Variants in APBA2 observed in about 807,000 individuals in gnomAD.
APBA2 encodes amyloid beta precursor protein binding family A member 2, also known as amyloid-beta A4 precursor protein-binding family A member 2.
In APBA2, 30 loss-of-function variants were observed where a neutral mutation model predicts 75.0. The ratio of observed to expected loss-of-function variants is 0.40; its 90% CI spans 0.30 to 0.54. APBA2 has a LOEUF of 0.54. Ranked by LOEUF, APBA2 falls within the 20% of genes least tolerant of loss-of-function variation. The probability of loss-of-function intolerance (pLI) is 0.49; values close to 1 mark genes in which losing one functional copy is unlikely to be tolerated. For missense variants in APBA2, 801 were observed against 1,016.1 expected (o/e 0.79, Z 2.88); for synonymous variants, 444 against 409.6 (o/e 1.08, Z -1.01).
intron 3 of APBA2, among the ~76,000 whole-genome samples, chr15:29,030,729 ATGTGTGTGTGTGTG>A (rs60048817): frequency 3.5e-5 from 4 of 113,248 alleles, no homozygotes; most frequent in Non-Finnish European, 5.7e-5. Flanking sequence ...CCATGTGAGT[ATGTGTGTGTGTGTG>A]TGTGTGTGTG....
chr15:29,054,248 C>T lies in APBA2; in HGVS notation c.364C>T (p.Leu122=). ...CATGGACTGCAACGGGGAGGAGTAC[C>T]TGGCCCACAGTGCACACCCTGTGGA... ...EGMDCNGEEY[L]AHSAHPVDTD... is the part of the protein sequence containing the mutation. Residue 122 remains leucine (L), a synonymous_variant, in exon 4 of 15, where the codon CTG becomes TTG. Transcript: ENST00000683413. This position sits in a 1 kb window ranked among gnomAD's most constrained non-coding sequence, Gnocchi z 6.1. 1 of 1,614,158 alleles carries T rather than the reference C, an allele frequency of 6.2e-7. No homozygotes were observed.
At chr15:29,107,922 C>T (rs2279486) in intron 12 of APBA2, among the ~76,000 whole-genome samples, 99,734 of 152,120 alleles carry the variant, frequency 0.66, 39,103 homozygotes, top group Non-Finnish European at 0.87. Flanking sequence ...ATGGCCCCCT[C>T]GACACCCTGA....
intron 3 of APBA2, among the ~76,000 whole-genome samples, chr15:29,010,083 T>C (rs1286076595): frequency 1.3e-5 from 2 of 152,186 alleles, no homozygotes; most frequent in Non-Finnish European, 2.9e-5. Flanking sequence ...GTCATTTTAA[T>C]TTGATTTTTA....
intron 13 of APBA2, among the ~76,000 whole-genome samples, chr15:29,109,272 A>G (rs1259408698): frequency 6.6e-6 from 1 of 152,222 alleles, no homozygotes; most frequent in Non-Finnish European, 1.5e-5. Flanking sequence ...GTGAAGCAGC[A>G]TGGAGGGTTA....
chr15:29,013,414 G>T (rs1247221877), intron 3 of APBA2, among the ~76,000 whole-genome samples: 1 of 151,854 alleles, frequency 6.6e-6, no homozygotes, highest in Non-Finnish European at 1.5e-5. Context: ...CAAGTAGCTG[G>T]GACTACAGGC....
intron 6 of APBA2, among the ~76,000 whole-genome samples, chr15:29,091,316 G>GAT (rs2043560927): frequency 6.6e-6 from 1 of 152,148 alleles, no homozygotes; most frequent in South Asian, 2.1e-4. Flanking sequence ...GAGCACAGGT[G>GAT]ATCCTCTGAC....
intron 4 of APBA2, among the ~76,000 whole-genome samples, chr15:29,069,061 C>T (rs1043051922): frequency 3.9e-5 from 6 of 152,170 alleles, no homozygotes; most frequent in African/African-American, 1.4e-4. Context: ...TCTGTTTTCT[C>T]TCACTTTGGA....
Position 29,063,976 on chromosome 15 carries a change from G to T in APBA2, c.951+9141G>T, listed in dbSNP as rs146665668. 5.5e-3 allele frequency among the ~76,000 whole-genome samples: 844 copies of T among 152,156 alleles called. 9 individuals are homozygous for T. The highest frequency in any genetic ancestry group is 0.01 in the South Asian group (50 of 4,822). ...TAAGGGCCTCCCAAGGTGCCCCCAC[G>T]CTGTCCCCTCTGCAGGGCCCTCCTG... On this transcript the variant is annotated intron_variant, in intron 4 of 14. Transcript: ENST00000683413.
chr15:29,031,316 T>C (rs370491207), intron 3 of APBA2, among the ~76,000 whole-genome samples: 5 of 152,262 alleles, frequency 3.3e-5, no homozygotes, highest in Middle Eastern at 3.4e-3. Context: ...TCCATAGAAA[T>C]GTATTGCCTC....
chr15:29,087,126 C>T (rs1484284641), intron 6 of APBA2, among the ~76,000 whole-genome samples: 1 of 152,196 alleles, frequency 6.6e-6, no homozygotes, highest in East Asian at 1.9e-4. Flanking sequence ...AGAGGATGTT[C>T]TGCAGAACTC....
intron 3 of APBA2, among the ~76,000 whole-genome samples, chr15:29,036,546 G>A (rs1050517266): frequency 2.0e-5 from 3 of 152,152 alleles, no homozygotes; most frequent in Non-Finnish European, 2.9e-5. Flanking sequence ...GCGATATGGG[G>A]CCTCCCCACT....
At chr15:29,012,639 T>C (rs562678687) in intron 3 of APBA2, among the ~76,000 whole-genome samples, 4 of 152,332 alleles carry the variant, frequency 2.6e-5, no homozygotes, top group African/African-American at 9.6e-5. Context: ...TTGTATACTT[T>C]GGGCTATAAA....
intron 3 of APBA2, among the ~76,000 whole-genome samples, chr15:29,025,072 G>A (rs1415960631): frequency 1.3e-5 from 2 of 152,170 alleles, no homozygotes; most frequent in African/African-American, 4.8e-5. Context: ...TACTTCATAA[G>A]CGGTGGTGTA....
At chr15:28,930,760 G>C (rs1230155085) in intron 2 of APBA2, among the ~76,000 whole-genome samples, 1 of 152,174 alleles carries the variant, frequency 6.6e-6, no homozygotes. Flanking sequence ...AGATGACCCT[G>C]CTGGGAACTT....
At chr15:29,113,758 C>A in intron 13 of APBA2, 118 bp from the exon 14 acceptor site, 2 of 1,314,986 alleles carry the variant, frequency 1.5e-6, no homozygotes, top group South Asian at 1.3e-5. Context: ...GCGAATTGCA[C>A]GTGCACGTAT....
chr15:29,082,336 A>G (rs920893939), intron 6 of APBA2, among the ~76,000 whole-genome samples: 19 of 152,360 alleles, frequency 1.2e-4, no homozygotes, highest in African/African-American at 4.6e-4. Context: ...CAAGCGCATT[A>G]ACATAGCCAT....
intron 2 of APBA2, among the ~76,000 whole-genome samples, chr15:28,984,912 GCTCTCTCTCT>G (rs72448868): frequency 1.4e-5 from 2 of 139,528 alleles, no homozygotes; most frequent in African/African-American, 2.8e-5. Flanking sequence ...GGGGGGAGCT[GCTCTCTCTCT>G]CTCTCTCTCT....
At chr15:28,953,866 A>G (rs887794819) in intron 2 of APBA2, among the ~76,000 whole-genome samples, 2 of 152,064 alleles carry the variant, frequency 1.3e-5, no homozygotes, top group Non-Finnish European at 2.9e-5. Flanking sequence ...GGTTGACCTC[A>G]TTCCGACTTG....
chr15:28,967,478 A>G (rs1187199039), intron 2 of APBA2, among the ~76,000 whole-genome samples: 3 of 152,044 alleles, frequency 2.0e-5, no homozygotes, highest in Non-Finnish European at 4.4e-5. Flanking sequence ...TCGCTCTGTC[A>G]CCTAGGCTGG....
Sources: gnomAD v4.1 joint callset for allele counts (sites outside exome capture counted in the v4.1 genomes callset) on GRCh38, gnomAD v4.1.1 for gene constraint, Gnocchi (gnomAD v3.1) non-coding constraint, MANE v1.5 for transcripts, NCBI Gene and HGNC (gene_info 2026-07-23, HGNC 2026-07-21) for gene names.